OXR1: variants seen among roughly 807,000 people sequenced by gnomAD.
OXR1 encodes oxidation resistance 1.
A neutral mutation model predicts 104.6 loss-of-function variants in OXR1; 41 were observed. That is an observed-to-expected ratio of 0.39 (90% CI 0.31 to 0.51). The LOEUF is 0.51. Among genes scored for constraint, OXR1 ranks in the 20% least tolerant of loss-of-function variants. The probability of loss-of-function intolerance (pLI) is 0.77; values close to 1 mark genes in which losing one functional copy is unlikely to be tolerated. For missense variants in OXR1, 955 were observed against 1,031.9 expected, an observed-to-expected ratio of 0.93 and a Z score of 1.02; for synonymous variants, 348 against 348.4, an observed-to-expected ratio of 1.00 and a Z score of 0.01.
chr8:106,294,552 G>A (rs1477222087), intron 1 of OXR1, among the ~76,000 whole-genome samples: 1 of 152,054 alleles, frequency 6.6e-6, no homozygotes, highest in East Asian at 1.9e-4. Context: ...TACAATCATG[G>A]CAGAAGATGA....
intron 2 of OXR1, among the ~76,000 whole-genome samples, chr8:106,376,899 A>G (rs779204498): frequency 6.6e-6 from 1 of 152,046 alleles, no homozygotes; most frequent in African/African-American, 2.4e-5. Context: ...ATGCTTTTGG[A>G]CTCTTCTAAT....
chr8:106,347,576 C>G (rs1815552044), intron 1 of OXR1, among the ~76,000 whole-genome samples: 1 of 152,094 alleles, frequency 6.6e-6, no homozygotes, highest in South Asian at 2.1e-4. Flanking sequence ...ATAAACTCTA[C>G]TAGGTTGTAC....
intron 2 of OXR1, among the ~76,000 whole-genome samples, chr8:106,408,419 C>G: frequency 6.6e-6 from 1 of 152,066 alleles, no homozygotes; most frequent in Non-Finnish European, 1.5e-5. Flanking sequence ...TCTTTCTTCT[C>G]CTCCTCCCCC....
intron 4 of OXR1, among the ~76,000 whole-genome samples, chr8:106,682,818 T>C (rs1252311986): frequency 1.3e-5 from 2 of 152,170 alleles, no homozygotes; most frequent in Non-Finnish European, 2.9e-5. Flanking sequence ...ACAGGTGTAC[T>C]TTGCAAAAAT....
At chr8:106,670,126 C>T (rs545488805) in intron 3 of OXR1, among the ~76,000 whole-genome samples, 13 of 152,148 alleles carry the variant, frequency 8.5e-5, no homozygotes, top group East Asian at 7.7e-4. Context: ...ATAATGGAAC[C>T]GGGCCAGAGT....
chr8:106,306,777 A>G (rs1286115869), intron 1 of OXR1, among the ~76,000 whole-genome samples: 6 of 152,188 alleles, frequency 3.9e-5, no homozygotes, highest in Admixed American at 3.3e-4. Flanking sequence ...GAGATGTTCT[A>G]TTTCTTGATT....
intron 2 of OXR1, among the ~76,000 whole-genome samples, chr8:106,503,340 C>G (rs1811933413): frequency 6.6e-6 from 1 of 152,196 alleles, no homozygotes; most frequent in African/African-American, 2.4e-5. Flanking sequence ...GTACCTTTTA[C>G]TCCCTCATTT....
chr8:106,391,658 G>A (rs1004074125), intron 2 of OXR1, among the ~76,000 whole-genome samples: 3 of 151,830 alleles, frequency 2.0e-5, no homozygotes, highest in African/African-American at 7.3e-5. Flanking sequence ...ATTTATTTGT[G>A]CATTCTTTTG....
At chr8:106,271,109 C>T (rs906664373) in intron 1 of OXR1, among the ~76,000 whole-genome samples, 3 of 151,968 alleles carry the variant, frequency 2.0e-5, no homozygotes, top group Admixed American at 6.5e-5. Flanking sequence ...GGGAGCTGTG[C>T]AGTATCGGGC....
chr8:106,357,945 G>A (rs1313213426), intron 1 of OXR1, among the ~76,000 whole-genome samples: 1 of 151,990 alleles, frequency 6.6e-6, no homozygotes, highest in Admixed American at 6.6e-5. Context: ...CTTCCTTACC[G>A]ACAGGCACTT....
rs117078290 is a variant in OXR1 at position 106,451,191 on chromosome 8, T to C, written c.24-67752T>C. 5.3e-3 allele frequency among the ~76,000 whole-genome samples: 812 copies of C among 152,272 alleles called. 6 individuals are homozygous for C. The highest frequency in any genetic ancestry group is 8.4e-3 in the Non-Finnish European group (570 of 68,016). The stretch of plus-strand genomic sequence containing the variant: ...GGACAAGAAGGCCGTCACCTGAGCA[T>C]GTGAGTTTTCATGTTGATACTCTGA... On this transcript the variant is annotated intron_variant, in intron 2 of 16. Transcript: ENST00000517566.
intron 2 of OXR1, among the ~76,000 whole-genome samples, chr8:106,405,885 T>G (rs1818218799): frequency 6.6e-6 from 1 of 152,220 alleles, no homozygotes; most frequent in Non-Finnish European, 1.5e-5. Context: ...CACTAAGTTT[T>G]GGGTTGTTTT....
At chr8:106,577,678 C>G (rs1379649631) in intron 3 of OXR1, among the ~76,000 whole-genome samples, 1 of 152,130 alleles carries the variant, frequency 6.6e-6, no homozygotes, top group African/African-American at 2.4e-5. Flanking sequence ...GCGTGAGCTA[C>G]TGCGCCCGGC....
At chr8:106,380,753 T>A (rs974460910) in intron 2 of OXR1, among the ~76,000 whole-genome samples, 2 of 152,172 alleles carry the variant, frequency 1.3e-5, no homozygotes, top group African/African-American at 4.8e-5. Context: ...TTATCGGCAA[T>A]TTTTTTGAAG....
chr8:106,325,837 G>A (rs1814447737), intron 1 of OXR1, among the ~76,000 whole-genome samples: 1 of 152,166 alleles, frequency 6.6e-6, no homozygotes. Flanking sequence ...AAAGAAGAGT[G>A]CCTTTTAAAA....
At chr8:106,731,157 T>C (rs1386498858) in intron 11 of OXR1, among the ~76,000 whole-genome samples, 1 of 152,200 alleles carries the variant, frequency 6.6e-6, no homozygotes, top group Admixed American at 6.5e-5. Flanking sequence ...ATTTTCCATT[T>C]GTATATCTTC....
At chr8:106,742,437 G>A in intron 15 of OXR1, 120 bp downstream of exon 15, 1 of 594,164 alleles carries the variant, frequency 1.7e-6, no homozygotes, top group South Asian at 2.5e-5. Flanking sequence ...CACAGAATTA[G>A]GAAAAACTAT....
In OXR1 at chr8:106,348,572, A is replaced by C. The variant is rs192512910; in HGVS notation, c.-138-10904A>C. Reference sequence around the variant, plus strand: ...CAATCCACATGGGTTTGAACCTTTAATGACTCATTAAAATTGATTGTAGAT... The same window carrying C: ...CAATCCACATGGGTTTGAACCTTTACTGACTCATTAAAATTGATTGTAGAT... On this transcript the variant is annotated intron_variant, in intron 1 of 16. Transcript: ENST00000517566. Among the ~76,000 whole-genome samples, 277 of 152,284 alleles carry C rather than the reference A, an allele frequency of 1.8e-3. 1 individual carries two copies. Among genetic ancestry groups the C allele is most frequent in the African/African-American group, 6.3e-3 (261 of 41,566 alleles).
At chr8:106,482,565 C>T (rs1368136452) in intron 2 of OXR1, among the ~76,000 whole-genome samples, 1 of 151,884 alleles carries the variant, frequency 6.6e-6, no homozygotes, top group South Asian at 2.1e-4. Flanking sequence ...CACAGTGTCC[C>T]GCATAGTTTT....
Sources: allele counts gnomAD v4.1 joint callset (sites outside exome capture counted in the v4.1 genomes callset), GRCh38; gene constraint gnomAD v4.1.1; transcripts MANE v1.5; gene names NCBI Gene and HGNC (gene_info 2026-07-23, HGNC 2026-07-21).